SYS1: variants seen among roughly 807,000 people sequenced by gnomAD.
The protein encoded by SYS1 is protein SYS1 homolog.
Under a neutral mutation model 17.8 loss-of-function variants are expected in SYS1, and 8 were observed. That is an observed-to-expected ratio of 0.45 (90% CI 0.26 to 0.81). The LOEUF (loss-of-function observed/expected upper bound fraction) is 0.81. Ranked by LOEUF, SYS1 falls within the 40% of genes least tolerant of loss-of-function variation. The probability of loss-of-function intolerance (pLI) is 0.16; values close to 1 mark genes in which losing one functional copy is unlikely to be tolerated. For missense variants in SYS1, 161 were observed against 203.9 expected, an observed-to-expected ratio of 0.79 and a Z score of 1.28; for synonymous variants, 95 against 90.9, an observed-to-expected ratio of 1.05 and a Z score of -0.26.
chr20:45,364,546 A>ACTG (rs934322622), intron 2 of SYS1, among the ~76,000 whole-genome samples: 1 of 129,174 alleles, frequency 7.7e-6, no homozygotes, highest in Non-Finnish European at 1.5e-5. Context: ...ATCTCGGCTC[A>ACTG]CTGCAAGCTC....
downstream of SYS1, chr20:45,373,523 G>C: frequency 3.8e-6 from 1 of 264,954 alleles, no homozygotes. Context: ...TGGGAAAATG[G>C]AATGGGGAGC....
chr20:45,363,653 T>C lies in SYS1; in HGVS notation c.122T>C (p.Val41Ala), dbSNP rs1311416701. ...TGGCTGGCGCTGGTGGACGGGCTAG[T>C]GCGAAGCAGCCCCTCGCTGGACCAG... ...GLWLALVDGL[V>A]RSSPSLDQMF... The change falls in exon 2 of 4, where the codon GTG becomes GCG. Residue 41 changes from valine (V) to alanine (A), a missense_variant. By Grantham distance (64) the Val-to-Ala change is moderately conservative (BLOSUM62 0). Coordinates refer to ENST00000243918, the MANE Select transcript of SYS1 (RefSeq NM_033542.4). 1.3e-6 allele frequency: 2 copies of C among 1,576,516 alleles called. No homozygotes were observed. Among genetic ancestry groups the C allele is most frequent in the East Asian group, 4.7e-5 (2 of 42,602 alleles).
In SYS1 at chr20:45,363,299, C is replaced by T. The variant is rs534548950; in HGVS notation, c.-20C>T. ...CCGGGCCACGCTCAGACACTTCGAT[C>T]GTCGAGTCTGTCACTGGTGAGTAGA... On this transcript the variant is annotated 5_prime_UTR_variant, in exon 1 of 4. Transcript: ENST00000243918. 685 of 1,336,848 alleles carry T rather than the reference C, an allele frequency of 5.1e-4. 7 individuals carry two copies. The Middle Eastern group carries it at 5.1e-3, about 10-fold the overall frequency. 82.8% of individuals were successfully genotyped at this position (1,336,848 alleles called of 1,614,324 possible).
downstream of SYS1, among the ~76,000 whole-genome samples, chr20:45,372,203 C>T (rs6032145): frequency 1.4e-4 from 21 of 152,274 alleles, 1 homozygote; most frequent in African/African-American, 4.3e-4. Context: ...GCCTAAGTGC[C>T]GGGGCAGGTG....
intron 3 of SYS1, among the ~76,000 whole-genome samples, chr20:45,366,211 T>TTGCC (rs1429658731): frequency 8.5e-5 from 13 of 152,194 alleles, no homozygotes; most frequent in South Asian, 6.2e-4. Flanking sequence ...TTTGGACAAG[T>TTGCC]TAATCTACCA....
intron 3 of SYS1, chr20:45,365,921 C>A: frequency 3.6e-6 from 2 of 553,732 alleles, no homozygotes; most frequent in Non-Finnish European, 6.5e-6. Context: ...CAACTTCCAT[C>A]TCAGATAACT....
At chr20:45,374,017 A>T (rs373622769), downstream of SYS1, 15 of 1,613,780 alleles carry the variant, frequency 9.3e-6, no homozygotes, top group Non-Finnish European at 1.3e-5. Flanking sequence ...TCAACCTGCC[A>T]GCAGAAACCT....
downstream of SYS1, among the ~76,000 whole-genome samples, chr20:45,369,655 T>A (rs1429933773): frequency 6.9e-6 from 1 of 145,364 alleles, no homozygotes; most frequent in Non-Finnish European, 1.5e-5. Context: ...CAGGCTGGAG[T>A]GCACTGGTGT....
exon 4 of SYS1, chr20:45,374,394 C>A (rs1988657990): frequency 1.6e-6 from 1 of 618,880 alleles, no homozygotes; most frequent in Non-Finnish European, 2.9e-6. Context: ...ACCTCAGCCT[C>A]CTGAGTAGCT....
Position 45,363,290 on chromosome 20 carries a change from C to A in SYS1, c.-29C>A. Reference sequence around the variant, plus strand: ...CCGGTGAGGCCGGGCCACGCTCAGACACTTCGATCGTCGAGTCTGTCACTG... The same window carrying A: ...CCGGTGAGGCCGGGCCACGCTCAGAAACTTCGATCGTCGAGTCTGTCACTG... On this transcript the variant is annotated 5_prime_UTR_variant, in exon 1 of 4. Transcript: ENST00000243918. The A allele has an allele frequency of 7.5e-7, 1 of 1,324,550 alleles. No individual in the cohort carries two copies. Among genetic ancestry groups the A allele is most frequent in the Non-Finnish European group, 9.7e-7 (1 of 1,034,292 alleles). 82.0% of individuals were successfully genotyped at this position (1,324,550 alleles called of 1,614,324 possible). A position where few individuals can be genotyped will look rare whatever the true frequency, so the allele number is the denominator to read the frequency against.
chr20:45,362,347 TTTTATTTATTTATTTA>T (rs56348135), upstream of SYS1, among the ~76,000 whole-genome samples: 115 of 149,424 alleles, frequency 7.7e-4, 1 homozygote, highest in Middle Eastern at 0.01. Flanking sequence ...AACACTTGAA[TTTTATTTATTTATTTA>T]TTTATTTATT....
At chr20:45,371,178 G>C (rs1303408581), downstream of SYS1, among the ~76,000 whole-genome samples, 1 of 152,080 alleles carries the variant, frequency 6.6e-6, no homozygotes, top group African/African-American at 2.4e-5. Flanking sequence ...GTTTTGTTTT[G>C]TTTTCTGGTA....
rs562364917 is a variant in SYS1, at chr20:45,374,375, G to A, written c.*81G>A. The A allele has an allele frequency of 2.2e-5, 14 of 640,198 alleles. No homozygotes were observed. In the East Asian group the frequency reaches 2.2e-4, roughly 10 times the overall value. The allele number at this position is 640,198 out of a possible 1,614,324, so 39.7% of individuals were successfully genotyped here. A position where few individuals can be genotyped will look rare whatever the true frequency, so the allele number is the denominator to read the frequency against. On this transcript the variant is annotated 3_prime_UTR_variant, in exon 4 of 4. Transcript: ENST00000426004. ...GCAGCCTCGACTCCTGGGCTTAAGC[G>A]ATCCTCCGACCTCAGCCTCCTGAGT... is the stretch of plus-strand genomic sequence containing the variant.
chr20:45,373,525 A>C, downstream of SYS1: 1 of 261,378 alleles, frequency 3.8e-6, no homozygotes, highest in Non-Finnish European at 7.5e-6. Context: ...GGAAAATGGA[A>C]TGGGGAGCAA....
Position 45,367,323 on chromosome 20 carries a change from C to T in SYS1, c.*208C>T. ...CAAGAATGACCTCTGTCTGTTGAAGCCTTGGTATCTGAGAGGTCAGGAAGG... is the reference window on the plus strand; with the variant it reads ...CAAGAATGACCTCTGTCTGTTGAAGTCTTGGTATCTGAGAGGTCAGGAAGG... On this transcript the variant is annotated 3_prime_UTR_variant, in exon 4 of 4. Transcript: ENST00000243918. The T allele has an allele frequency of 7.1e-7, 1 of 1,404,320 alleles. No individual in the cohort carries two copies. The highest frequency in any genetic ancestry group is 1.6e-5 in the South Asian group (1 of 64,238). 87.0% of individuals were successfully genotyped at this position (1,404,320 alleles called of 1,614,324 possible). A position where few individuals can be genotyped will look rare whatever the true frequency, so the allele number is the denominator to read the frequency against.
upstream of SYS1, chr20:45,362,145 G>A: frequency 3.6e-6 from 2 of 555,936 alleles, no homozygotes; most frequent in Non-Finnish European, 4.6e-6. Flanking sequence ...AGCAGAGAGG[G>A]TCAGGATTTA....
At chr20:45,375,618 A>G (rs780206544) in exon 4 of SYS1, 248 of 1,536,710 alleles carry the variant, frequency 1.6e-4, no homozygotes, top group Non-Finnish European at 2.0e-4. Context: ...GACAGTTGCT[A>G]TGTAGCCAGC....
At position 45,368,804 on chromosome 20, in the gene SYS1, G is replaced by A. The variant is rs1049679006; in HGVS notation, c.*1689G>A. 21 of 985,280 alleles carry A rather than the reference G, an allele frequency of 2.1e-5. No homozygotes were observed. The highest frequency in any genetic ancestry group is 2.5e-5 in the Non-Finnish European group (21 of 829,940). The allele number at this position is 985,280 out of a possible 1,614,324, so 61.0% of individuals were successfully genotyped here. On this transcript the variant is annotated 3_prime_UTR_variant, in exon 4 of 4. Transcript: ENST00000243918. ...TCCCTCTAGACAACACAAACTGCAG[G>A]CATGTGACTAACTTTGAAAGAACAC...
exon 4 of SYS1, chr20:45,375,318 C>T (rs747145801): frequency 3.7e-6 from 6 of 1,614,164 alleles, no homozygotes; most frequent in Middle Eastern, 1.6e-4. Context: ...TATCATCCCT[C>T]GATGTCCTTG....
Sources: gnomAD v4.1 joint callset for allele counts (sites outside exome capture counted in the v4.1 genomes callset) on GRCh38, gnomAD v4.1.1 for gene constraint, MANE v1.5 for transcripts, NCBI Gene and HGNC (gene_info 2026-07-23, HGNC 2026-07-21) for gene names.